Variants in ZBTB16 observed in about 807,000 individuals in gnomAD.
The protein encoded by ZBTB16 is zinc finger and BTB domain-containing protein 16.
Under a neutral mutation model 56.8 loss-of-function variants are expected in ZBTB16, and 8 were observed. The observed-to-expected ratio is 0.14, with a 90% confidence interval of 0.08 to 0.25. The LOEUF (loss-of-function observed/expected upper bound fraction) is 0.25, where lower values mean the gene tolerates loss of function less well. Among genes scored for constraint, ZBTB16 ranks in the 10% least tolerant of loss-of-function variants. The pLI is 1.00. For missense variants in ZBTB16, 625 were observed against 903.0 expected (o/e 0.69, Z 3.95); for synonymous variants, 363 against 368.5 (o/e 0.98, Z 0.17).
At chr11:114,092,473 T>C (rs563768217) in intron 2 of ZBTB16, among the ~76,000 whole-genome samples, 48 of 152,318 alleles carry the variant, frequency 3.2e-4, no homozygotes, top group African/African-American at 1.1e-3. Context: ...CTCCAGATGG[T>C]TCCGTTGTCC....
chr11:114,199,328 C>A (rs1943680026), intron 4 of ZBTB16, among the ~76,000 whole-genome samples: 1 of 146,752 alleles, frequency 6.8e-6, no homozygotes, highest in South Asian at 2.2e-4. Context: ...GATGGGGATG[C>A]CGGACATGGA....
rs192257959 is a variant in ZBTB16 at position 114,182,993 on chromosome 11, G to A, written c.1367-3959G>A. On this transcript the variant is annotated intron_variant, in intron 3 of 6. Transcript: ENST00000335953. ...CTGCCTCTGAGCCAGCCATTACAGA[G>A]ACCATTTAAAGGCACAAGCCTCCTC... 1.1e-3 allele frequency among the ~76,000 whole-genome samples: 174 copies of A among 152,270 alleles called. 3 individuals are homozygous for A. The highest frequency in any genetic ancestry group is 0.011 in the Admixed American group (171 of 15,298).
At chr11:114,114,084 G>C (rs1237144762) in intron 2 of ZBTB16, among the ~76,000 whole-genome samples, 2 of 152,210 alleles carry the variant, frequency 1.3e-5, no homozygotes, top group Non-Finnish European at 2.9e-5. Flanking sequence ...AAATAGTGCT[G>C]TTTCTATCTC....
intron 2 of ZBTB16, among the ~76,000 whole-genome samples, chr11:114,083,894 T>C (rs1939869839): frequency 6.6e-6 from 1 of 152,208 alleles, no homozygotes; most frequent in Non-Finnish European, 1.5e-5. Flanking sequence ...ATGATTTTAG[T>C]TCCTCTCATG....
intron 2 of ZBTB16, among the ~76,000 whole-genome samples, chr11:114,149,232 T>C (rs1214052767): frequency 1.3e-5 from 2 of 152,196 alleles, no homozygotes; most frequent in African/African-American, 2.4e-5. Flanking sequence ...GCCAAGGTTA[T>C]TTAATGGATA....
At chr11:114,235,703 C>CTATCTTTCTTTCTTTTCTTTCTTTCT (rs1944566573) in intron 4 of ZBTB16, among the ~76,000 whole-genome samples, 1 of 100,740 alleles carries the variant, frequency 9.9e-6, no homozygotes, top group South Asian at 3.1e-4. Flanking sequence ...TTCTTTCTTT[C>CTATCTTTCTTTCTTTTCTTTCTTTCT]TTTTCTTTCT....
chr11:114,088,576 GGACATCA>G (rs1460604269), intron 2 of ZBTB16, among the ~76,000 whole-genome samples: 3 of 152,118 alleles, frequency 2.0e-5, no homozygotes, highest in Admixed American at 6.5e-5. Context: ...CTAGTGCCCT[GGACATCA>G]TAGGTATTCA....
intron 1 of ZBTB16, among the ~76,000 whole-genome samples, chr11:114,061,932 G>A (rs1159397182): frequency 6.6e-6 from 1 of 152,098 alleles, no homozygotes; most frequent in Non-Finnish European, 1.5e-5. Flanking sequence ...CACACACCCA[G>A]CCCAGCATGA....
chr11:114,132,071 C>G (rs1367232824), intron 2 of ZBTB16, among the ~76,000 whole-genome samples: 1 of 151,998 alleles, frequency 6.6e-6, no homozygotes, highest in Non-Finnish European at 1.5e-5. Flanking sequence ...AAAAAAAAAT[C>G]TTTTAAACTT....
chr11:114,226,013 A>G (rs1944320956), intron 4 of ZBTB16, among the ~76,000 whole-genome samples: 1 of 152,196 alleles, frequency 6.6e-6, no homozygotes, highest in South Asian at 2.1e-4. Flanking sequence ...AAGAGTCAGA[A>G]TTTGAACCCA....
rs370327620 is a variant in ZBTB16 at position 114,153,430 on chromosome 11, G to A, written c.1269-2907G>A. Among the ~76,000 whole-genome samples the A allele has an allele frequency of 6.6e-5, 10 of 152,320 alleles. No individual in the cohort carries two copies. In the South Asian group the frequency reaches 1.9e-3, roughly 28 times the overall value. ...ACTGAGTTAGTGGGTCAGTTGCAGG[G>A]CAGTGACCTTACCCTGAGGATTAGA... is the stretch of plus-strand genomic sequence containing the variant. On this transcript the variant is annotated intron_variant, in intron 2 of 6. Transcript: ENST00000335953.
chr11:114,233,845 C>T (rs538221060), intron 4 of ZBTB16, among the ~76,000 whole-genome samples: 11 of 152,338 alleles, frequency 7.2e-5, no homozygotes, highest in Admixed American at 2.0e-4. Flanking sequence ...ATGAAATGCA[C>T]TTGTGTCTGC....
At chr11:114,232,313 G>A (rs1286351547) in intron 4 of ZBTB16, among the ~76,000 whole-genome samples, 1 of 152,210 alleles carries the variant, frequency 6.6e-6, no homozygotes, top group Non-Finnish European at 1.5e-5. Context: ...AATGCAGGAA[G>A]TAGGGAGCCC....
chr11:114,211,360 GTGGCCTTGGACAAA>G (rs1437376884), intron 4 of ZBTB16, among the ~76,000 whole-genome samples: 12 of 152,192 alleles, frequency 7.9e-5, no homozygotes, highest in African/African-American at 2.9e-4. Context: ...AACTGTCACT[GTGGCCTTGGACAAA>G]TTATTTGAAC....
intron 3 of ZBTB16, among the ~76,000 whole-genome samples, chr11:114,170,352 C>T (rs767017275): frequency 2.0e-5 from 3 of 152,234 alleles, no homozygotes; most frequent in African/African-American, 4.8e-5. Flanking sequence ...GGTCTCAGGA[C>T]GTGCCCCAGC....
chr11:114,069,046 C>A (rs1244095785), intron 2 of ZBTB16, among the ~76,000 whole-genome samples: 4 of 152,206 alleles, frequency 2.6e-5, no homozygotes, highest in African/African-American at 9.7e-5. Flanking sequence ...AGGTCAGCTG[C>A]AGTGGATGTC....
In ZBTB16 at chr11:114,239,520, G is replaced by A. The variant is rs115375360; in HGVS notation, c.1454-2647G>A. Among the ~76,000 whole-genome samples the A allele has an allele frequency of 4.9e-3, 743 of 152,292 alleles. 6 individuals are homozygous for A. The highest frequency in any genetic ancestry group is 0.015 in the African/African-American group (623 of 41,566). On this transcript the variant is annotated intron_variant, in intron 4 of 6. Transcript: ENST00000335953. Reference sequence around the variant, plus strand: ...CTGTCCTCCTGTGTACGTCGGCCAAGCAGGGAGGGACATTGAAGACTCACT... The same window carrying A: ...CTGTCCTCCTGTGTACGTCGGCCAAACAGGGAGGGACATTGAAGACTCACT...
In ZBTB16 at chr11:114,204,466, G is replaced by A. The variant is rs184369172; in HGVS notation, c.1453+17428G>A. 2.6e-5 allele frequency among the ~76,000 whole-genome samples: 4 copies of A among 152,226 alleles called. No individual in the cohort carries two copies. The East Asian group carries it at 7.7e-4, about 29-fold the overall frequency. ...CATTTTTCTTTTATTCACAAATGGGGCTATGATATTCAGTGCATACTGTTT... is the reference window on the plus strand; with the variant it reads ...CATTTTTCTTTTATTCACAAATGGGACTATGATATTCAGTGCATACTGTTT... On this transcript the variant is annotated intron_variant, in intron 4 of 6. Transcript: ENST00000335953.
chr11:114,118,571 C>T (rs952300431), intron 2 of ZBTB16, among the ~76,000 whole-genome samples: 1 of 152,048 alleles, frequency 6.6e-6, no homozygotes, highest in Non-Finnish European at 1.5e-5. Flanking sequence ...AATTTATTTA[C>T]CTATCTATCA....
Sources: allele counts gnomAD v4.1 joint callset (sites outside exome capture counted in the v4.1 genomes callset), GRCh38; gene constraint gnomAD v4.1.1; transcripts MANE v1.5; gene names NCBI Gene and HGNC (gene_info 2026-07-23, HGNC 2026-07-21).